SEC62: variants seen among roughly 807,000 people sequenced by gnomAD.
SEC62 encodes the protein translocation protein SEC62.
SEC62 carries 10 observed loss-of-function variants against 47.5 expected under a neutral mutation model. The ratio of observed to expected loss-of-function variants is 0.21; its 90% CI spans 0.13 to 0.36. The LOEUF is 0.36. Among genes scored for constraint, SEC62 ranks in the 10% least tolerant of loss-of-function variants. The pLI is 1.00. For missense variants in SEC62, 327 were observed against 464.1 expected, an observed-to-expected ratio of 0.70 and a Z score of 2.71; for synonymous variants, 136 against 150.5, an observed-to-expected ratio of 0.90 and a Z score of 0.71.
At chr3:169,975,503 T>G in intron 1 of SEC62, 105 bp from the exon 2 acceptor site, 1 of 718,746 alleles carries the variant, frequency 1.4e-6, no homozygotes, top group Non-Finnish European at 2.3e-6. Context: ...AAGCAAGGCC[T>G]GTACTCCACT....
At chr3:169,987,672 T>C (rs921184706) in intron 6 of SEC62, among the ~76,000 whole-genome samples, 1 of 152,210 alleles carries the variant, frequency 6.6e-6, no homozygotes, top group South Asian at 2.1e-4. Flanking sequence ...TAATTTCTTA[T>C]AATTCTTTCT....
At chr3:169,986,016 C>G (rs1406698161) in intron 6 of SEC62, 151 bp downstream of exon 6, 2 of 541,148 alleles carry the variant, frequency 3.7e-6, no homozygotes, top group Non-Finnish European at 6.4e-6. Flanking sequence ...AAATAATACA[C>G]TAAGGAAAAT....
intron 3 of SEC62, among the ~76,000 whole-genome samples, chr3:169,977,708 T>C (rs188958011): frequency 6.6e-6 from 1 of 152,180 alleles, no homozygotes; most frequent in Non-Finnish European, 1.5e-5. Context: ...ATTTCTTTTC[T>C]TTTTTTTCTT....
intron 3 of SEC62, 93 bp from the exon 4 acceptor site, chr3:169,982,614 C>T (rs1301162871): frequency 4.1e-6 from 6 of 1,464,524 alleles, no homozygotes; most frequent in African/African-American, 1.4e-5. Context: ...TAATTTATGC[C>T]TTCCTTTGCT....
At chr3:169,970,331 A>T (rs1714666099) in intron 1 of SEC62, among the ~76,000 whole-genome samples, 1 of 152,202 alleles carries the variant, frequency 6.6e-6, no homozygotes. Flanking sequence ...AATATTTTAT[A>T]CTGCTTGAAC....
At chr3:169,970,031 A>G (rs1714660668) in intron 1 of SEC62, among the ~76,000 whole-genome samples, 2 of 152,232 alleles carry the variant, frequency 1.3e-5, no homozygotes, top group South Asian at 4.1e-4. Flanking sequence ...TAGCCAGACT[A>G]TACAGGTCTA....
At chr3:169,991,594 C>T (rs1183007485) in intron 7 of SEC62, among the ~76,000 whole-genome samples, 4 of 151,954 alleles carry the variant, frequency 2.6e-5, no homozygotes, top group Non-Finnish European at 4.4e-5. Context: ...GTACCTGCTA[C>T]TTGGAGGCTG....
chr3:169,974,943 T>G (rs1383830151), intron 1 of SEC62, among the ~76,000 whole-genome samples: 1 of 152,214 alleles, frequency 6.6e-6, no homozygotes, highest in Non-Finnish European at 1.5e-5. Flanking sequence ...ATACTCACTA[T>G]TAGCAACATC....
In SEC62 at chr3:169,993,138, C is replaced by T; in HGVS notation, c.*75C>T. 1 of 1,037,074 alleles carries T rather than the reference C, an allele frequency of 9.6e-7. No individual in the cohort carries two copies. The highest frequency in any genetic ancestry group is 1.7e-5 in the South Asian group (1 of 58,906). 64.2% of individuals were successfully genotyped at this position (1,037,074 alleles called of 1,614,324 possible). ...TATGTTGGCTGATTACCATATTGAACACATGGCATTTGTAGCATTCTTTAA... is the reference window on the plus strand; with the variant it reads ...TATGTTGGCTGATTACCATATTGAATACATGGCATTTGTAGCATTCTTTAA... On this transcript the variant is annotated 3_prime_UTR_variant, in exon 8 of 8. Coordinates refer to ENST00000337002, the MANE Select transcript of SEC62 (RefSeq NM_003262.4).
chr3:169,967,025 AG>A (rs1052254961), intron 1 of SEC62, among the ~76,000 whole-genome samples, 167 bp downstream of exon 1: 3 of 146,970 alleles, frequency 2.0e-5, no homozygotes, highest in African/African-American at 2.6e-5. Context: ...GAGGGGCCTG[AG>A]GGGGGGCGGT....
rs1715374856 is a variant in SEC62, at chr3:169,996,335, AT to A, written c.*3275del. The A allele has an allele frequency of 6.6e-6, 1 of 152,584 alleles. No individual in the cohort carries two copies. Among genetic ancestry groups the A allele is most frequent in the Non-Finnish European group, 1.5e-5 (1 of 68,038 alleles). 9.5% of individuals were successfully genotyped at this position (152,584 alleles called of 1,614,324 possible). On this transcript the variant is annotated 3_prime_UTR_variant, in exon 8 of 8. Transcript: ENST00000337002. The stretch of plus-strand genomic sequence containing the variant: ...AATAATTCCTCCTAATTGTGTGGTA[AT>A]TTGCTTTTACTGTTTCCACAGTATT...
intron 3 of SEC62, among the ~76,000 whole-genome samples, chr3:169,979,668 G>A (rs1714925329): frequency 6.6e-6 from 1 of 152,022 alleles, no homozygotes; most frequent in Non-Finnish European, 1.5e-5. Context: ...AATCCCTCAA[G>A]TCCTTCCTCT....
intron 3 of SEC62, among the ~76,000 whole-genome samples, chr3:169,980,806 T>C (rs1474445238): frequency 2.0e-5 from 3 of 152,226 alleles, no homozygotes; most frequent in African/African-American, 7.2e-5. Context: ...TATCTGTATG[T>C]GTACACATGT....
chr3:169,990,007 CATAATATT>C (rs1715203909), intron 7 of SEC62, among the ~76,000 whole-genome samples: 1 of 89,964 alleles, frequency 1.1e-5, no homozygotes. Flanking sequence ...TATGATATAT[CATAATATT>C]ATATATCATA....
At chr3:169,989,420 T>A (rs1349161827) in intron 7 of SEC62, among the ~76,000 whole-genome samples, 8 of 142,404 alleles carry the variant, frequency 5.6e-5, no homozygotes. Flanking sequence ...AGCAGAAAAA[T>A]CCCCTGCTGG....
At chr3:169,979,588 A>G (rs9811291) in intron 3 of SEC62, among the ~76,000 whole-genome samples, 35,282 of 151,876 alleles carry the variant, frequency 0.23, 4,341 homozygotes, top group East Asian at 0.31. Flanking sequence ...TCTTTTTCCT[A>G]TCATAACTTG....
rs182706286 is a variant in SEC62 at position 169,994,440 on chromosome 3, A to T, written c.*1377A>T. 1 of 152,704 alleles carries T rather than the reference A, an allele frequency of 6.5e-6. No homozygotes were observed. The highest frequency in any genetic ancestry group is 1.9e-4 in the East Asian group (1 of 5,194). The allele number at this position is 152,704 out of a possible 1,614,324, so 9.5% of individuals were successfully genotyped here. ...CTAAGTGTTTGAATTAAAGATGTTA[A>T]ATTTTTCTAATTGTGAAAAATATGT... On this transcript the variant is annotated 3_prime_UTR_variant, in exon 8 of 8. Transcript: ENST00000337002.
At chr3:169,984,307 A>G (rs985291989) in intron 5 of SEC62, among the ~76,000 whole-genome samples, 1 of 152,232 alleles carries the variant, frequency 6.6e-6, no homozygotes, top group African/African-American at 2.4e-5. Context: ...GGCGTTGGGA[A>G]TAGCTTGATA....
At chr3:169,967,598 TC>T (rs1489062465) in intron 1 of SEC62, among the ~76,000 whole-genome samples, 1 of 152,066 alleles carries the variant, frequency 6.6e-6, no homozygotes, top group Non-Finnish European at 1.5e-5. Context: ...ACATAACATC[TC>T]CCCCTAATTC....
Sources: gnomAD v4.1 joint callset for allele counts (sites outside exome capture counted in the v4.1 genomes callset) on GRCh38, gnomAD v4.1.1 for gene constraint, MANE v1.5 for transcripts, NCBI Gene and HGNC (gene_info 2026-07-23, HGNC 2026-07-21) for gene names.